The following TENM3 variants were observed in gnomAD, a reference collection of about 807,000 sequenced individuals.
The protein encoded by TENM3 is teneurin transmembrane protein 3, also known as teneurin-3.
TENM3 carries 63 observed loss-of-function variants against 255.1 expected under a neutral mutation model. The ratio of observed to expected loss-of-function variants is 0.25; its 90% CI spans 0.20 to 0.30. The LOEUF (loss-of-function observed/expected upper bound fraction) is 0.30, where lower values mean the gene tolerates loss of function less well. Among genes scored for constraint, TENM3 ranks in the 10% least tolerant of loss-of-function variants. TENM3 has a pLI of 1.00. For missense variants in TENM3, 2,929 were observed against 3,461.1 expected, an observed-to-expected ratio of 0.85 and a Z score of 3.86; for synonymous variants, 1,306 against 1,322.3, an observed-to-expected ratio of 0.99 and a Z score of 0.27.
intron 7 of TENM3, 134 bp from the exon 8 acceptor site, chr4:182,679,532 A>G (rs928515662): frequency 8.7e-6 from 6 of 690,092 alleles, no homozygotes; most frequent in Admixed American, 5.8e-5. Context: ...GACTTCTACC[A>G]TTTGGACCTG....
At chr4:182,664,927 A>G (rs1164229975) in intron 6 of TENM3, among the ~76,000 whole-genome samples, 2 of 152,252 alleles carry the variant, frequency 1.3e-5, no homozygotes, top group African/African-American at 4.8e-5. Context: ...CTGCAACATA[A>G]AAATGCAAGG....
chr4:182,541,792 C>T (rs1005229523), intron 3 of TENM3, among the ~76,000 whole-genome samples: 1 of 152,080 alleles, frequency 6.6e-6, no homozygotes, highest in African/African-American at 2.4e-5. Flanking sequence ...GGCACAGTGG[C>T]TCATGGCTGT....
the TENM3 span, among the ~76,000 whole-genome samples, chr4:181,702,065 A>G: frequency 6.6e-6 from 1 of 152,190 alleles, no homozygotes; most frequent in South Asian, 2.1e-4. Context: ...AAATGTTGCT[A>G]GGCACACGAC....
At chr4:182,335,121 G>A (rs928659293) in intron 2 of TENM3, among the ~76,000 whole-genome samples, 2 of 151,828 alleles carry the variant, frequency 1.3e-5, no homozygotes, top group African/African-American at 2.4e-5. Context: ...TCTCTACTTT[G>A]GACTAGTTCA....
chr4:181,675,459 C>T, the TENM3 span, among the ~76,000 whole-genome samples: 945 of 152,022 alleles, frequency 6.2e-3, 8 homozygotes, highest in African/African-American at 0.021. Flanking sequence ...CTATCTGTTG[C>T]AATTTGGGAA....
chr4:181,722,928 A>G, the TENM3 span, among the ~76,000 whole-genome samples: 13 of 152,220 alleles, frequency 8.5e-5, no homozygotes, highest in East Asian at 1.2e-3. Context: ...AAGGACCACA[A>G]TGGGCCAGGC....
chr4:181,645,798 G>C, the TENM3 span, among the ~76,000 whole-genome samples: 1 of 152,160 alleles, frequency 6.6e-6, no homozygotes, highest in African/African-American at 2.4e-5. Context: ...AGGACCAAAG[G>C]TGATCTCAGA....
At chr4:182,083,197 C>T in the TENM3 span, among the ~76,000 whole-genome samples, 2 of 152,172 alleles carry the variant, frequency 1.3e-5, no homozygotes, top group Admixed American at 6.5e-5. Context: ...TACTAGTGAA[C>T]ATTTATGCAA....
the TENM3 span, among the ~76,000 whole-genome samples, chr4:181,889,537 T>C: frequency 1.3e-5 from 2 of 152,228 alleles, no homozygotes; most frequent in Admixed American, 1.3e-4. Context: ...GAGGCTGTTT[T>C]TGGCATACAA....
intron 1 of TENM3, among the ~76,000 whole-genome samples, chr4:182,166,909 G>C (rs968838031): frequency 2.0e-5 from 3 of 151,866 alleles, no homozygotes; most frequent in Admixed American, 2.0e-4. Flanking sequence ...ATATCATAAA[G>C]GTATAAAGAG....
the TENM3 span, among the ~76,000 whole-genome samples, chr4:181,988,748 T>TG: frequency 6.6e-6 from 1 of 152,024 alleles, no homozygotes; most frequent in Non-Finnish European, 1.5e-5. Flanking sequence ...CTTATTTTCA[T>TG]GGGTATGATT....
the TENM3 span, among the ~76,000 whole-genome samples, chr4:181,610,994 T>C: frequency 5.9e-5 from 9 of 152,090 alleles, no homozygotes; most frequent in Admixed American, 3.3e-4. Flanking sequence ...TGACCTCAAG[T>C]TTGTTAGTTC....
the TENM3 span, among the ~76,000 whole-genome samples, chr4:182,041,392 T>G: frequency 6.6e-6 from 1 of 152,188 alleles, no homozygotes; most frequent in Admixed American, 6.5e-5. Context: ...AATAGCCATA[T>G]AAATTTATTC....
At chr4:182,262,769 A>T (rs1439440607) in intron 1 of TENM3, among the ~76,000 whole-genome samples, 19 of 139,898 alleles carry the variant, frequency 1.4e-4, no homozygotes, top group East Asian at 4.2e-4. Context: ...GCTGGAATGC[A>T]GTGGCCTGAT....
intron 1 of TENM3, among the ~76,000 whole-genome samples, chr4:182,322,640 T>C (rs2150493350): frequency 6.6e-6 from 1 of 152,242 alleles, no homozygotes; most frequent in East Asian, 1.9e-4. Flanking sequence ...TGGAAGCACA[T>C]TAATGAGCTG....
chr4:181,821,958 T>TA, the TENM3 span, among the ~76,000 whole-genome samples: 6 of 152,236 alleles, frequency 3.9e-5, no homozygotes, highest in African/African-American at 1.4e-4. Flanking sequence ...TGATTTTATA[T>TA]ATCTCATACA....
chr4:181,743,296 T>A, the TENM3 span, among the ~76,000 whole-genome samples: 2 of 152,088 alleles, frequency 1.3e-5, no homozygotes, highest in Non-Finnish European at 2.9e-5. Context: ...TCACCAACAG[T>A]GTAAAAGTGT....
At chr4:182,745,117 C>A (rs111617863) in intron 19 of TENM3, among the ~76,000 whole-genome samples, 1 of 152,034 alleles carries the variant, frequency 6.6e-6, no homozygotes, top group Admixed American at 6.6e-5. Context: ...CAACATAACC[C>A]ATTTAAACTG....
chr4:181,744,198 C>G, the TENM3 span, among the ~76,000 whole-genome samples: 2 of 152,110 alleles, frequency 1.3e-5, no homozygotes, highest in Non-Finnish European at 2.9e-5. Flanking sequence ...TGTATATGTA[C>G]CACATTGTCT....
Sources: allele counts gnomAD v4.1 joint callset (sites outside exome capture counted in the v4.1 genomes callset), GRCh38; gene constraint gnomAD v4.1.1; transcripts MANE v1.5; gene names NCBI Gene and HGNC (gene_info 2026-07-23, HGNC 2026-07-21).